The following CRAT variants were observed in gnomAD, a reference collection of about 807,000 sequenced individuals.
CRAT encodes the protein carnitine acetylase.
Under a neutral mutation model 73.7 loss-of-function variants are expected in CRAT, and 66 were observed. That is an observed-to-expected ratio of 0.90 (90% CI 0.73 to 1.10). CRAT has a LOEUF of 1.10. Ranked by LOEUF, CRAT falls within the 50% of genes least tolerant of loss-of-function variation. The pLI, the probability that CRAT is intolerant of heterozygous loss-of-function variation, is 0.00. For missense variants in CRAT, 745 were observed against 846.9 expected (o/e 0.88, Z 1.49); for synonymous variants, 321 against 343.2 (o/e 0.94, Z 0.71).
intron 8 of CRAT, 41 bp downstream of exon 8, chr9:129,099,825 T>C (rs1382535761): frequency 6.8e-7 from 1 of 1,477,668 alleles, no homozygotes; most frequent in African/African-American, 1.4e-5. Context: ...CACCTGTCAC[T>C]AGAAGCTGGG....
intron 2 of CRAT, among the ~76,000 whole-genome samples, chr9:129,104,768 C>T (rs1847901558): frequency 6.6e-6 from 1 of 151,290 alleles, no homozygotes; most frequent in Non-Finnish European, 1.5e-5. Context: ...CCACACCTGG[C>T]TATTTTTTTG....
At chr9:129,108,379 T>C in intron 1 of CRAT, 1 of 1,211,034 alleles carries the variant, frequency 8.3e-7, no homozygotes, top group Non-Finnish European at 1.0e-6. Context: ...CGCCCACCTG[T>C]TGGGTTGCAC....
chr9:129,100,716 G>A lies in CRAT; in HGVS notation c.806-27C>T, dbSNP rs371622623. 54 of 1,599,626 alleles carry A rather than the reference G, an allele frequency of 3.4e-5. 1 individual carries two copies. Among genetic ancestry groups the A allele is most frequent in the South Asian group, 2.9e-4 (26 of 89,062 alleles). ...TGCAGGTGGCATGGGGCGGGGAGAC[G>A]CAAAATGGGGTCTCATGGTGTGGGA... On this transcript the variant is annotated intron_variant, in intron 6 of 13. Coordinates refer to ENST00000318080, the MANE Select transcript of CRAT (RefSeq NM_000755.5).
intron 1 of CRAT, chr9:129,108,337 G>A (rs1848150627): frequency 4.1e-6 from 5 of 1,206,802 alleles, no homozygotes; most frequent in East Asian, 3.3e-5. Flanking sequence ...CAGGATGAAC[G>A]GCACCTTTGG....
Position 129,104,829 on chromosome 9 carries a change from T to C in CRAT, c.292-523A>G, listed in dbSNP as rs374309760. On this transcript the variant is annotated intron_variant, in intron 2 of 13. Transcript: ENST00000318080. The stretch of plus-strand genomic sequence containing the variant: ...CCGTGTTAGCCAGGATGGTCTCGAT[T>C]TCCTGACCTCATGATCCGCCCGCCT... Among the ~76,000 whole-genome samples the C allele has an allele frequency of 1.1e-3, 166 of 148,352 alleles. 1 individual carries two copies. Among genetic ancestry groups the C allele is most frequent in the East Asian group, 2.8e-3 (14 of 4,932 alleles).
intron 13 of CRAT, 74 bp from the exon 14 acceptor site, chr9:129,095,686 TCCG>T: frequency 6.8e-7 from 1 of 1,470,576 alleles, no homozygotes; most frequent in Non-Finnish European, 9.2e-7. Context: ...TGCCTGTGCT[TCCG>T]CCAAGACTGC....
intron 7 of CRAT, 154 bp downstream of exon 7, chr9:129,100,357 C>T: frequency 1.1e-6 from 1 of 927,428 alleles, no homozygotes; most frequent in Non-Finnish European, 1.6e-6. Context: ...GGCTGGCTGC[C>T]TGGTAATTAC....
In CRAT at chr9:129,108,794, G is replaced by A. The variant is rs1193913669; in HGVS notation, c.28-717C>T. ...TCTCTGCTGCCCGTCCTCCTCCATG[G>A]CAGGACTGAGGTTCTGGGCCCTGTC... is the stretch of plus-strand genomic sequence containing the variant. On this transcript the variant is annotated intron_variant, in intron 1 of 13. Transcript: ENST00000318080. 3 of 1,304,158 alleles carry A rather than the reference G, an allele frequency of 2.3e-6. No individual in the cohort carries two copies. In the African/African-American group the frequency reaches 4.6e-5, roughly 20 times the overall value. 80.8% of individuals were successfully genotyped at this position (1,304,158 alleles called of 1,614,324 possible).
intron 6 of CRAT, 133 bp from the exon 7 acceptor site, chr9:129,100,822 C>G (rs865841834): frequency 9.0e-7 from 1 of 1,108,786 alleles, no homozygotes; most frequent in Non-Finnish European, 1.3e-6. Context: ...GGAGACCCCC[C>G]ACCTCGCCGG....
chr9:129,103,157 G>T lies in CRAT; in HGVS notation c.411-91C>A. 9.0e-7 allele frequency: 1 copy of T among 1,109,340 alleles called. No homozygotes were observed. The highest frequency in any genetic ancestry group is 1.4e-6 in the Non-Finnish European group (1 of 722,396). The allele number at this position is 1,109,340 out of a possible 1,614,324, so 68.7% of individuals were successfully genotyped here. A position where few individuals can be genotyped will look rare whatever the true frequency, so the allele number is the denominator to read the frequency against. On this transcript the variant is annotated intron_variant, in intron 3 of 13. Transcript: ENST00000318080. The surrounding 1 kb of genome is among the most constrained non-coding windows in gnomAD (Gnocchi z 4.6). ...ACCTGCTTGGGGAGCGGGAGGTCTA[G>T]TCTTCCAGCCTCTCTCACCGCTTCC...
intron 4 of CRAT, 146 bp from the exon 5 acceptor site, chr9:129,102,711 G>A: frequency 1.0e-6 from 1 of 998,288 alleles, no homozygotes; most frequent in Non-Finnish European, 1.5e-6. Flanking sequence ...TCAGGGCTGT[G>A]CTGTGGGCAG....
chr9:129,108,023 A>T lies in CRAT; in HGVS notation c.82T>A (p.Phe28Ile). ...PFSLMKASSR[F>I]KAHQDALPRL... ...GGCAGTGCATCCTGGTGTGCCTTGA[A>T]GCGGCTGGAAGCCTTCATCAAGGAG... Residue 28 changes from phenylalanine (F) to isoleucine (I), a missense_variant, in exon 2 of 14, where the codon TTC (phenylalanine) becomes ATC (isoleucine). Coordinates refer to ENST00000318080, the MANE Select transcript of CRAT (RefSeq NM_000755.5). The T allele has an allele frequency of 6.4e-7, 1 of 1,554,514 alleles. No individual in the cohort carries two copies.
intron 2 of CRAT, among the ~76,000 whole-genome samples, chr9:129,104,522 A>G (rs2131476758): frequency 6.6e-6 from 1 of 152,324 alleles, no homozygotes; most frequent in Middle Eastern, 3.4e-3. Context: ...AGCCAGATCA[A>G]TCCGATGCTG....
chr9:129,108,666 AAGAG>A (rs1848172336), intron 1 of CRAT: 1 of 1,262,824 alleles, frequency 7.9e-7, no homozygotes, highest in African/African-American at 1.5e-5. Flanking sequence ...CAGAGAGAGA[AAGAG>A]AAAGTCCAGG....
rs1273113063 is a variant in CRAT, at chr9:129,107,906, T to C, written c.199A>G (p.Lys67Glu). ...IVSEEEWAHT[K>E]QLVDEFQASG... ...GCCTGAAACTCATCCACCAGCTGCTTGGTGTGGGCCCACTCCTCCTCACTC... is the reference window on the plus strand; with the variant it reads ...GCCTGAAACTCATCCACCAGCTGCTCGGTGTGGGCCCACTCCTCCTCACTC... The change falls in exon 2 of 14, where the codon AAG becomes GAG. Residue 67 changes from lysine (K) to glutamate (E), a missense_variant. By Grantham distance (56) the Lys-to-Glu change is moderately conservative. Coordinates refer to ENST00000318080, the MANE Select transcript of CRAT (RefSeq NM_000755.5). The surrounding 1 kb of genome is among the most constrained non-coding windows in gnomAD (Gnocchi z 5.0). The C allele has an allele frequency of 6.2e-7, 1 of 1,611,154 alleles. No individual in the cohort carries two copies. The highest frequency in any genetic ancestry group is 8.5e-7 in the Non-Finnish European group (1 of 1,179,876).
At chr9:129,104,340 G>A in intron 2 of CRAT, 34 bp from the exon 3 acceptor site, 1 of 1,553,842 alleles carries the variant, frequency 6.4e-7, no homozygotes, top group South Asian at 1.1e-5. Context: ...CAGGAGGGGT[G>A]CATGGGCCCT....
intron 12 of CRAT, 117 bp from the exon 13 acceptor site, chr9:129,096,252 A>G: frequency 1.5e-6 from 2 of 1,311,864 alleles, no homozygotes; most frequent in Non-Finnish European, 2.1e-6. Flanking sequence ...AAACCACAAG[A>G]CCAGAGTATT....
chr9:129,098,299 C>T lies in CRAT; in HGVS notation c.1278G>A (p.Lys426=). 6.2e-7 allele frequency: 1 copy of T among 1,614,054 alleles called. No homozygotes were observed. The highest frequency in any genetic ancestry group is 8.5e-7 in the Non-Finnish European group (1 of 1,180,040). The change falls in exon 10 of 14, where the codon AAG becomes AAA. Residue 426 remains lysine, a synonymous_variant. Coordinates refer to ENST00000318080, the MANE Select transcript of CRAT (RefSeq NM_000755.5). ...HFGKDFPKSE[K]LSPDAFIQMA... is the part of the protein sequence containing the mutation. The stretch of plus-strand genomic sequence containing the variant: ...TCTGGATGAAGGCATCTGGGCTTAG[C>T]TTCTCCGACTTGGGGAAGTCTTTTC...
chr9:129,102,737 C>T (rs2131468697), intron 4 of CRAT, among the ~76,000 whole-genome samples, 172 bp from the exon 5 acceptor site: 1 of 152,272 alleles, frequency 6.6e-6, no homozygotes, highest in South Asian at 2.1e-4. Context: ...TCGCTTTCTG[C>T]CCCAGATGGG....
Sources: allele counts gnomAD v4.1 joint callset (sites outside exome capture counted in the v4.1 genomes callset), GRCh38; gene constraint gnomAD v4.1.1; non-coding constraint Gnocchi (gnomAD v3.1); transcripts MANE v1.5; gene names NCBI Gene and HGNC (gene_info 2026-07-23, HGNC 2026-07-21).